Variants in HMBOX1 observed in about 807,000 individuals in gnomAD.
HMBOX1 encodes the protein homeobox-containing protein 1.
In HMBOX1, 14 loss-of-function variants were observed where a neutral mutation model predicts 54.5. That is an observed-to-expected ratio of 0.26 (90% CI 0.17 to 0.40). HMBOX1 has a LOEUF of 0.40. Ranked by LOEUF, HMBOX1 falls within the 10% of genes least tolerant of loss-of-function variation. The pLI is 1.00. For missense variants in HMBOX1, 332 were observed against 514.4 expected (o/e 0.65, Z 3.43); for synonymous variants, 160 against 181.0 (o/e 0.88, Z 0.93).
chr8:28,967,527 G>T (rs999126651), intron 2 of HMBOX1, among the ~76,000 whole-genome samples: 5 of 152,184 alleles, frequency 3.3e-5, no homozygotes, highest in Non-Finnish European at 5.9e-5. Flanking sequence ...TTGAAGAACT[G>T]TATATAGATA....
intron 1 of HMBOX1, among the ~76,000 whole-genome samples, chr8:28,946,267 T>A (rs1406118332): frequency 6.6e-6 from 1 of 151,992 alleles, no homozygotes; most frequent in Non-Finnish European, 1.5e-5. Flanking sequence ...GGGGATATTC[T>A]TAATACAATT....
intron 2 of HMBOX1, 120 bp from the exon 3 acceptor site, chr8:28,969,923 A>C: frequency 3.0e-6 from 2 of 669,282 alleles, no homozygotes; most frequent in Non-Finnish European, 5.1e-6. Context: ...CATGGGACAT[A>C]CCTTCATTTT....
intron 2 of HMBOX1, among the ~76,000 whole-genome samples, chr8:28,968,950 A>G (rs999293327): frequency 6.6e-6 from 1 of 152,070 alleles, no homozygotes; most frequent in Non-Finnish European, 1.5e-5. Flanking sequence ...GAGGCGGGCG[A>G]ATCACCTGAG....
chr8:28,981,282 A>G (rs1829301224), intron 4 of HMBOX1, among the ~76,000 whole-genome samples: 1 of 152,192 alleles, frequency 6.6e-6, no homozygotes. Context: ...CTTATGGTAA[A>G]ATACTTTAGT....
At chr8:28,960,879 C>T (rs1331819478) in intron 1 of HMBOX1, among the ~76,000 whole-genome samples, 6 of 146,336 alleles carry the variant, frequency 4.1e-5, no homozygotes, top group Non-Finnish European at 5.9e-5. Flanking sequence ...CTCTGCCTCC[C>T]GGATTCAAGC....
chr8:29,007,919 AGT>A (rs1833696380), intron 4 of HMBOX1, among the ~76,000 whole-genome samples: 2 of 152,208 alleles, frequency 1.3e-5, no homozygotes, highest in African/African-American at 4.8e-5. Context: ...TAGGTTTTTA[AGT>A]GTGTGAAACT....
intron 1 of HMBOX1, among the ~76,000 whole-genome samples, chr8:28,899,938 G>T (rs1337657441): frequency 6.6e-6 from 1 of 152,022 alleles, no homozygotes; most frequent in African/African-American, 2.4e-5. Context: ...TTGAAGAATT[G>T]CCTGGAAAAA....
chr8:28,978,922 G>A (rs1348907944), intron 3 of HMBOX1, among the ~76,000 whole-genome samples: 1 of 152,134 alleles, frequency 6.6e-6, no homozygotes, highest in East Asian at 1.9e-4. Context: ...ATACAGGCCT[G>A]CTAGTCAGAA....
intron 1 of HMBOX1, among the ~76,000 whole-genome samples, chr8:28,921,256 A>C (rs1019421822): frequency 6.6e-6 from 1 of 152,224 alleles, no homozygotes; most frequent in South Asian, 2.1e-4. Context: ...GAATCACTTG[A>C]GCCTGGGAGG....
chr8:28,937,988 C>G (rs947470625), intron 1 of HMBOX1, among the ~76,000 whole-genome samples: 2 of 152,048 alleles, frequency 1.3e-5, no homozygotes, highest in African/African-American at 4.8e-5. Flanking sequence ...TTTTGATTGC[C>G]TCAGGAGACC....
intron 2 of HMBOX1, among the ~76,000 whole-genome samples, chr8:28,969,800 G>A (rs191186508): frequency 6.6e-6 from 1 of 152,112 alleles, no homozygotes; most frequent in Admixed American, 6.5e-5. Flanking sequence ...CCAAAATTGA[G>A]GAAAATGTAA....
chr8:28,900,271 A>AAAATATAT (rs747317282), intron 1 of HMBOX1, among the ~76,000 whole-genome samples: 3 of 70,348 alleles, frequency 4.3e-5, no homozygotes, highest in Non-Finnish European at 5.8e-5. Context: ...AAAAAAAAAA[A>AAAATATAT]ATATATATAT....
At chr8:28,924,025 A>G (rs1435805671) in intron 1 of HMBOX1, among the ~76,000 whole-genome samples, 1 of 151,418 alleles carries the variant, frequency 6.6e-6, no homozygotes, top group East Asian at 1.9e-4. Flanking sequence ...CGTCTCAGAT[A>G]TACATGATTT....
At chr8:28,977,515 G>A (rs976183398) in intron 3 of HMBOX1, among the ~76,000 whole-genome samples, 3 of 152,132 alleles carry the variant, frequency 2.0e-5, no homozygotes, top group African/African-American at 2.4e-5. Context: ...ATGCATATTT[G>A]AAAGCTTTTG....
chr8:28,963,207 C>T (rs1399590985), intron 1 of HMBOX1, among the ~76,000 whole-genome samples: 15 of 152,158 alleles, frequency 9.9e-5, no homozygotes, highest in Admixed American at 9.2e-4. Context: ...TGGTCTCGAA[C>T]TCCTGACTTC....
chr8:28,920,179 G>C (rs892614327), intron 1 of HMBOX1, among the ~76,000 whole-genome samples: 2 of 151,986 alleles, frequency 1.3e-5, no homozygotes, highest in Non-Finnish European at 2.9e-5. Flanking sequence ...ATTTATATTC[G>C]TTGTTTCTTA....
chr8:28,921,594 A>G (rs868409839), intron 1 of HMBOX1, among the ~76,000 whole-genome samples: 3 of 152,250 alleles, frequency 2.0e-5, no homozygotes, highest in African/African-American at 7.2e-5. Flanking sequence ...AGATACTTTA[A>G]TGATGGATTT....
intron 1 of HMBOX1, among the ~76,000 whole-genome samples, chr8:28,905,230 TTTG>T (rs577367151): frequency 8.5e-5 from 13 of 152,212 alleles, no homozygotes; most frequent in South Asian, 4.1e-4. Context: ...TGAAGGGTTT[TTTG>T]TTGTTGTTGT....
At chr8:29,003,111 TAGGAG>T (rs1317038681) in intron 4 of HMBOX1, among the ~76,000 whole-genome samples, 6 of 151,122 alleles carry the variant, frequency 4.0e-5, no homozygotes, top group Non-Finnish European at 7.4e-5. Context: ...TTTATCTAAG[TAGGAG>T]AGGAGTGAGA....
Sources: allele counts gnomAD v4.1 joint callset (sites outside exome capture counted in the v4.1 genomes callset), GRCh38; gene constraint gnomAD v4.1.1; transcripts MANE v1.5; gene names NCBI Gene and HGNC (gene_info 2026-07-23, HGNC 2026-07-21).